Variants in GTPBP10 observed in about 807,000 individuals in gnomAD.
GTPBP10 encodes GTP-binding protein 10.
A neutral mutation model predicts 44.8 loss-of-function variants in GTPBP10; 38 were observed. The observed-to-expected ratio is 0.85, with a 90% CI of 0.65 to 1.11. The LOEUF (loss-of-function observed/expected upper bound fraction) is 1.11, where lower values mean the gene tolerates loss of function less well. GTPBP10 is among the 50% of genes most tolerant of loss of function. The pLI is 0.00. For missense variants in GTPBP10, 462 were observed against 453.7 expected (o/e 1.02, Z -0.17); for synonymous variants, 152 against 150.6 (o/e 1.01, Z -0.07).
chr7:90,354,445 T>C lies in GTPBP10; in HGVS notation c.228-13T>C, dbSNP rs186363226. ...ACACACATACATACATATATATACT[T>C]TTTTTTTGGTAGAATTAGTGCACTG... On this transcript the variant is annotated splice_polypyrimidine_tract_variant and intron_variant, in intron 2 of 9. Transcript: ENST00000222511. The C allele has an allele frequency of 8.5e-3, 12,170 of 1,433,962 alleles. 142 individuals carry two copies. The highest frequency in any genetic ancestry group is 0.029 in the South Asian group (2,329 of 81,442). The allele number at this position is 1,433,962 out of a possible 1,614,324, so 88.8% of individuals were successfully genotyped here. A position where few individuals can be genotyped will look rare whatever the true frequency, so the allele number is the denominator to read the frequency against.
chr7:90,383,007 G>A lies in GTPBP10; in HGVS notation c.829G>A (p.Val277Ile), dbSNP rs770881559. 1 of 1,598,364 alleles carries A rather than the reference G, an allele frequency of 6.3e-7. No homozygotes were observed. Among genetic ancestry groups the A allele is most frequent in the South Asian group, 1.1e-5 (1 of 88,102 alleles). ...ELQTKPALLA[V>I]NKMDLPDAQD... ...TCAGACAAAACCTGCACTCTTGGCA[G>A]TTAATAAAATGGACTTGCCAGATGC... is the stretch of plus-strand genomic sequence containing the variant. The change falls in exon 9 of 10, where the codon GTT (valine) becomes ATT (isoleucine). Residue 277 changes from valine to isoleucine, a missense_variant. Physicochemically the swap from Val to Ile is conservative, Grantham distance 29 (BLOSUM62 3). Transcript: ENST00000222511.
At chr7:90,374,224 C>T in intron 5 of GTPBP10, 78 bp from the exon 6 acceptor site, 2 of 909,190 alleles carry the variant, frequency 2.2e-6, no homozygotes, top group Non-Finnish European at 3.6e-6. Context: ...ATTGTTTATG[C>T]ATAATACCAA....
At chr7:90,356,534 C>T (rs759526599) in intron 4 of GTPBP10, among the ~76,000 whole-genome samples, 1 of 152,160 alleles carries the variant, frequency 6.6e-6, no homozygotes, top group Non-Finnish European at 1.5e-5. Flanking sequence ...ATGGAGGACT[C>T]AGGTTAGACT....
At chr7:90,368,123 G>A (rs1229308731) in intron 4 of GTPBP10, among the ~76,000 whole-genome samples, 1 of 152,128 alleles carries the variant, frequency 6.6e-6, no homozygotes, top group African/African-American at 2.4e-5. Flanking sequence ...CTCTCTTCTG[G>A]CTTGTAGGGT....
chr7:90,366,702 T>C (rs1796141035), intron 4 of GTPBP10, among the ~76,000 whole-genome samples: 1 of 148,086 alleles, frequency 6.8e-6, no homozygotes, highest in African/African-American at 2.5e-5. Flanking sequence ...GCGGTCTATT[T>C]ATATTGTAGA....
chr7:90,370,589 C>T (rs1796239404), intron 4 of GTPBP10, among the ~76,000 whole-genome samples: 1 of 152,042 alleles, frequency 6.6e-6, no homozygotes, highest in Non-Finnish European at 1.5e-5. Flanking sequence ...CTGTTGGGTA[C>T]AATGTACACT....
Position 90,353,021 on chromosome 7 carries a change from C to A in GTPBP10, c.227+12C>A. Reference sequence around the variant, plus strand: ...GGAGCAAACAGCAAGTAAGTAATTACTGAATGACTTAAATTTTAGAAAATC... The same window carrying A: ...GGAGCAAACAGCAAGTAAGTAATTAATGAATGACTTAAATTTTAGAAAATC... On this transcript the variant is annotated intron_variant, in intron 2 of 9. Transcript: ENST00000222511. 2 of 1,506,956 alleles carry A rather than the reference C, an allele frequency of 1.3e-6. No individual in the cohort carries two copies. Among genetic ancestry groups the A allele is most frequent in the Non-Finnish European group, 1.8e-6 (2 of 1,116,972 alleles). 93.3% of individuals were successfully genotyped at this position (1,506,956 alleles called of 1,614,324 possible).
chr7:90,376,285 C>T (rs755128764), intron 6 of GTPBP10, among the ~76,000 whole-genome samples: 2 of 151,932 alleles, frequency 1.3e-5, no homozygotes, highest in Non-Finnish European at 2.9e-5. Flanking sequence ...AATGATTATT[C>T]CCTCTAAAAG....
At chr7:90,351,179 G>A (rs1195123672) in intron 1 of GTPBP10, among the ~76,000 whole-genome samples, 2 of 152,210 alleles carry the variant, frequency 1.3e-5, no homozygotes, top group African/African-American at 4.8e-5. Context: ...ATGCAGTTAT[G>A]ATTTAATACT....
chr7:90,376,646 T>G (rs1340667522), intron 6 of GTPBP10, among the ~76,000 whole-genome samples: 2 of 152,222 alleles, frequency 1.3e-5, no homozygotes, highest in Admixed American at 6.5e-5. Context: ...ACACCTCTAT[T>G]AATGTAGTAA....
Position 90,372,145 on chromosome 7 carries a change from C to G in GTPBP10, c.465-10C>G. ...TGACATTTGTGTATAATTTTATATT[C>G]TTGTTTCAGATTCCCAAATGCTGGA... On this transcript the variant is annotated splice_polypyrimidine_tract_variant and intron_variant, in intron 4 of 9. Coordinates refer to ENST00000222511, the MANE Select transcript of GTPBP10 (RefSeq NM_033107.4). 1 of 1,562,660 alleles carries G rather than the reference C, an allele frequency of 6.4e-7. No individual in the cohort carries two copies. The highest frequency in any genetic ancestry group is 8.8e-7 in the Non-Finnish European group (1 of 1,138,086).
intron 4 of GTPBP10, among the ~76,000 whole-genome samples, chr7:90,356,691 GTCATTTGTTTTCTCA>G (rs1351334815): frequency 6.6e-6 from 1 of 150,824 alleles, no homozygotes; most frequent in Non-Finnish European, 1.5e-5. Context: ...TTTTCACCAC[GTCATTTGTTTTCTCA>G]TCTTTAATAG....
chr7:90,375,837 C>A (rs567996625), intron 6 of GTPBP10, among the ~76,000 whole-genome samples: 1 of 152,012 alleles, frequency 6.6e-6, no homozygotes, highest in Non-Finnish European at 1.5e-5. Flanking sequence ...GATGCTTAGG[C>A]CCCAGAGATT....
intron 4 of GTPBP10, among the ~76,000 whole-genome samples, chr7:90,366,928 C>T (rs528317475): frequency 1.3e-5 from 2 of 152,196 alleles, no homozygotes; most frequent in Middle Eastern, 6.8e-3. Context: ...GCATTTAGTG[C>T]TATAAATTTC....
intron 1 of GTPBP10, among the ~76,000 whole-genome samples, chr7:90,348,736 TC>T (rs56837109): frequency 0.28 from 42,977 of 151,806 alleles, 6,957 homozygotes; most frequent in East Asian, 0.66. Context: ...CTTTTCTCTT[TC>T]CCCCAAAAAA....
At chr7:90,365,375 T>C (rs1584636673) in intron 4 of GTPBP10, among the ~76,000 whole-genome samples, 1 of 86,752 alleles carries the variant, frequency 1.2e-5, no homozygotes, top group African/African-American at 4.3e-5. Flanking sequence ...TTTCTTTTTT[T>C]TTTTTTTTTT....
intron 1 of GTPBP10, among the ~76,000 whole-genome samples, chr7:90,347,989 G>A (rs151196264): frequency 8.3e-4 from 127 of 152,260 alleles, no homozygotes; most frequent in African/African-American, 2.9e-3. Flanking sequence ...CTACTTGGGA[G>A]GCTGAGGTGG....
intron 4 of GTPBP10, among the ~76,000 whole-genome samples, chr7:90,355,536 C>T (rs182514479): frequency 6.6e-6 from 1 of 151,944 alleles, no homozygotes; most frequent in Non-Finnish European, 1.5e-5. Flanking sequence ...ATAATGTTAC[C>T]AGATATTAAT....
At position 90,388,478 on chromosome 7, in the gene GTPBP10, A is replaced by G. The variant is rs1204821514; in HGVS notation, c.*3324A>G. 1.3e-5 allele frequency: 2 copies of G among 152,130 alleles called. No homozygotes were observed. Among genetic ancestry groups the G allele is most frequent in the Non-Finnish European group, 2.9e-5 (2 of 68,014 alleles). 9.4% of individuals were successfully genotyped at this position (152,130 alleles called of 1,614,324 possible). On this transcript the variant is annotated 3_prime_UTR_variant, in exon 10 of 10. Coordinates refer to ENST00000222511, the MANE Select transcript of GTPBP10 (RefSeq NM_033107.4). ...TCATGAAATATGTTTATACAGTATT[A>G]AGTATATTGTACTATGAAGTTGGAC...
Sources: gnomAD v4.1 joint callset for allele counts (sites outside exome capture counted in the v4.1 genomes callset) on GRCh38, gnomAD v4.1.1 for gene constraint, MANE v1.5 for transcripts, NCBI Gene and HGNC (gene_info 2026-07-23, HGNC 2026-07-21) for gene names.